Variants in ADAMTS12 observed in about 807,000 individuals in gnomAD.
ADAMTS12 encodes ADAM metallopeptidase with thrombospondin type 1 motif 12.
A neutral mutation model predicts 167.8 loss-of-function variants in ADAMTS12; 118 were observed. That is an observed-to-expected ratio of 0.70 (90% CI 0.61 to 0.82). The LOEUF is 0.82. Ranked by LOEUF, ADAMTS12 falls within the 40% of genes least tolerant of loss-of-function variation. The pLI is 0.00. For synonymous variants in ADAMTS12, 704 were observed against 716.9 expected, an observed-to-expected ratio of 0.98 and a Z score of 0.29; for missense variants, 1,916 against 1,998.8, an observed-to-expected ratio of 0.96 and a Z score of 0.79.
At chr5:33,749,862 G>A (rs1271642504) in intron 3 of ADAMTS12, among the ~76,000 whole-genome samples, 2 of 152,050 alleles carry the variant, frequency 1.3e-5, no homozygotes, top group African/African-American at 4.8e-5. Flanking sequence ...GCCTCAATAG[G>A]GGAGTTATGA....
chr5:33,734,504 T>C lies in ADAMTS12; in HGVS notation c.634+16900A>G, dbSNP rs533099819. Reference sequence around the variant, plus strand: ...AAGTCACAATTGTGAATTAAAAAAATTATAACAAGGAAGACAGCTAACATG... The same window carrying C: ...AAGTCACAATTGTGAATTAAAAAAACTATAACAAGGAAGACAGCTAACATG... On this transcript the variant is annotated intron_variant, in intron 3 of 23. Coordinates refer to ENST00000504830, the MANE Select transcript of ADAMTS12 (RefSeq NM_030955.4). 2.0e-5 allele frequency among the ~76,000 whole-genome samples: 3 copies of C among 152,354 alleles called. No homozygotes were observed. The East Asian group carries it at 5.8e-4, about 29-fold the overall frequency.
In ADAMTS12 at chr5:33,525,086, A is replaced by G. The variant is rs1279394041; in HGVS notation, c.*2102T>C. Reference sequence around the variant, plus strand: ...GCTAGTACAGTACCAGGTTAAATCAATCTAGCTTACTAAATGAATCCCCCT... The same window carrying G: ...GCTAGTACAGTACCAGGTTAAATCAGTCTAGCTTACTAAATGAATCCCCCT... On this transcript the variant is annotated 3_prime_UTR_variant, in exon 24 of 24. Transcript: ENST00000504830. 4 of 152,208 alleles carry G rather than the reference A, an allele frequency of 2.6e-5. No individual in the cohort carries two copies. The highest frequency in any genetic ancestry group is 6.5e-5 in the Admixed American group (1 of 15,278). 9.4% of individuals were successfully genotyped at this position (152,208 alleles called of 1,614,324 possible). A position where few individuals can be genotyped will look rare whatever the true frequency, so the allele number is the denominator to read the frequency against.
intron 3 of ADAMTS12, among the ~76,000 whole-genome samples, chr5:33,716,902 C>T (rs185500380): frequency 6.6e-6 from 1 of 151,916 alleles, no homozygotes; most frequent in Non-Finnish European, 1.5e-5. Context: ...AAATAAAGTA[C>T]AAGAGAACTT....
At chr5:33,603,985 C>G (rs1485324992) in intron 16 of ADAMTS12, among the ~76,000 whole-genome samples, 1 of 152,174 alleles carries the variant, frequency 6.6e-6, no homozygotes, top group South Asian at 2.1e-4. Context: ...TGTCTTACTA[C>G]CTTCTTAGGC....
At chr5:33,615,628 C>T (rs1490375355) in intron 15 of ADAMTS12, among the ~76,000 whole-genome samples, 200 bp downstream of exon 15, 1 of 152,146 alleles carries the variant, frequency 6.6e-6, no homozygotes, top group Non-Finnish European at 1.5e-5. Context: ...AAGCACCTTG[C>T]ATTTTGTTAT....
chr5:33,804,785 C>A lies in ADAMTS12; in HGVS notation c.490-53237G>T, dbSNP rs149639027. On this transcript the variant is annotated intron_variant, in intron 2 of 23. Transcript: ENST00000504830. ...TTCAGAAATTTCAAATTACATATAC[C>A]TGATCCGCTCACCATCCCCATTCCA... is the stretch of plus-strand genomic sequence containing the variant. Among the ~76,000 whole-genome samples the A allele has an allele frequency of 2.0e-3, 310 of 152,232 alleles. 2 individuals carry two copies. Among genetic ancestry groups the A allele is most frequent in the African/African-American group, 7.1e-3 (294 of 41,524 alleles).
At chr5:33,676,981 C>G (rs1022455670) in intron 5 of ADAMTS12, among the ~76,000 whole-genome samples, 4 of 152,252 alleles carry the variant, frequency 2.6e-5, no homozygotes, top group South Asian at 4.2e-4. Flanking sequence ...ACCTTCAAGC[C>G]CCACCAATGC....
chr5:33,870,778 G>T (rs147978950), intron 2 of ADAMTS12, among the ~76,000 whole-genome samples: 17 of 152,258 alleles, frequency 1.1e-4, no homozygotes, highest in African/African-American at 3.9e-4. Context: ...GAGTTCTCAT[G>T]AGATCTGGTT....
chr5:33,890,512 A>G (rs531559530), intron 1 of ADAMTS12, among the ~76,000 whole-genome samples: 1 of 152,320 alleles, frequency 6.6e-6, no homozygotes, highest in South Asian at 2.1e-4. Flanking sequence ...GAATTTTACA[A>G]CATGAGCAGA....
intron 19 of ADAMTS12, among the ~76,000 whole-genome samples, chr5:33,565,330 T>C (rs1745958332): frequency 6.6e-6 from 1 of 152,218 alleles, no homozygotes. Flanking sequence ...TTTTATATTT[T>C]TTTTGTAGAA....
chr5:33,528,476 G>C (rs74929509), intron 23 of ADAMTS12, among the ~76,000 whole-genome samples: 3 of 152,294 alleles, frequency 2.0e-5, no homozygotes, highest in Non-Finnish European at 4.4e-5. Context: ...CGAGTGTCGG[G>C]GTGCTTTGCT....
chr5:33,718,496 G>C (rs1006201935), intron 3 of ADAMTS12, among the ~76,000 whole-genome samples: 1 of 152,142 alleles, frequency 6.6e-6, no homozygotes, highest in African/African-American at 2.4e-5. Context: ...TAGGTTGTGT[G>C]CTCCTTATGA....
rs549399826 is a variant in ADAMTS12, at chr5:33,710,909, G to C, written c.635-26854C>G. 1.1e-4 allele frequency among the ~76,000 whole-genome samples: 17 copies of C among 152,248 alleles called. No homozygotes were observed. The East Asian group carries it at 3.1e-3, about 28-fold the overall frequency. ...CTAAAAATTTTCAGAAAGAGGATTGGTTGAGACATAGTGAATGTGGGGCAA... is the reference window on the plus strand; with the variant it reads ...CTAAAAATTTTCAGAAAGAGGATTGCTTGAGACATAGTGAATGTGGGGCAA... On this transcript the variant is annotated intron_variant, in intron 3 of 23. Transcript: ENST00000504830.
chr5:33,790,782 CAT>C (rs10622464), intron 2 of ADAMTS12, among the ~76,000 whole-genome samples: 45,072 of 133,764 alleles, frequency 0.34, 8,479 homozygotes, highest in Non-Finnish European at 0.45. Context: ...GACATACAAA[CAT>C]ATATATATAT....
intron 3 of ADAMTS12, among the ~76,000 whole-genome samples, chr5:33,699,614 T>C (rs750804931): frequency 6.6e-6 from 1 of 152,182 alleles, no homozygotes; most frequent in Non-Finnish European, 1.5e-5. Context: ...TTTGGATTGA[T>C]AAAAAGCTCT....
intron 2 of ADAMTS12, among the ~76,000 whole-genome samples, chr5:33,802,050 C>T (rs2121159): frequency 0.23 from 34,700 of 152,074 alleles, 4,675 homozygotes; most frequent in East Asian, 0.39. Context: ...CCCCAGAGAG[C>T]TGCCTTCCCA....
At chr5:33,661,828 TG>T (rs1741269640) in intron 6 of ADAMTS12, 87 bp downstream of exon 6, 1 of 1,550,556 alleles carries the variant, frequency 6.4e-7, no homozygotes, top group Non-Finnish European at 8.8e-7. Context: ...ATAGTGAGAA[TG>T]TCATGGGTTT....
rs139432853 is a variant in ADAMTS12, at chr5:33,532,259, C to T, written c.4606+2574G>A. On this transcript the variant is annotated intron_variant, in intron 23 of 23. Transcript: ENST00000504830. ...CAATGTTGTTGACAAATACAGCTTC[C>T]ATGACTTTGGGCTTCTTGAGGCCAA... Among the ~76,000 whole-genome samples, 15 of 152,260 alleles carry T rather than the reference C, an allele frequency of 9.9e-5. No homozygotes were observed. In the East Asian group the frequency reaches 2.9e-3, roughly 29 times the overall value.
chr5:33,737,281 G>A (rs1247242056), intron 3 of ADAMTS12, among the ~76,000 whole-genome samples: 6 of 152,176 alleles, frequency 3.9e-5, no homozygotes, highest in African/African-American at 1.4e-4. Flanking sequence ...TCTATCAAAT[G>A]TTAGGCATTC....
Sources: gnomAD v4.1 joint callset for allele counts (sites outside exome capture counted in the v4.1 genomes callset) on GRCh38, gnomAD v4.1.1 for gene constraint, MANE v1.5 for transcripts, NCBI Gene and HGNC (gene_info 2026-07-23, HGNC 2026-07-21) for gene names.